Variants in CELF2 observed in about 807,000 individuals in gnomAD.
CELF2 encodes the protein CUGBP Elav-like family member 2, also known as CUG triplet repeat RNA-binding protein 2.
Under a neutral mutation model 62.6 loss-of-function variants are expected in CELF2, and 8 were observed. The observed-to-expected ratio is 0.13, with a 90% CI of 0.07 to 0.23. The LOEUF (loss-of-function observed/expected upper bound fraction) is 0.23. CELF2 is among the 10% of genes least tolerant of loss of function. The probability of loss-of-function intolerance (pLI) is 1.00; values close to 1 mark genes in which losing one functional copy is unlikely to be tolerated. For synonymous variants in CELF2, 258 were observed against 250.0 expected, an observed-to-expected ratio of 1.03 and a Z score of -0.30; for missense variants, 333 against 671.0, an observed-to-expected ratio of 0.50 and a Z score of 5.56.
At chr10:10,466,578 G>T in the CELF2 span, among the ~76,000 whole-genome samples, 1 of 152,064 alleles carries the variant, frequency 6.6e-6, no homozygotes, top group Non-Finnish European at 1.5e-5. Flanking sequence ...AATTGAAAAG[G>T]CTGGATCATA....
At chr10:10,604,700 AAAGCAGTCAAAT>A in the CELF2 span, among the ~76,000 whole-genome samples, 1 of 152,242 alleles carries the variant, frequency 6.6e-6, no homozygotes, top group South Asian at 2.1e-4. Context: ...ATAATGGGAA[AAAGCAGTCAAAT>A]AAGCATGTCT....
chr10:11,018,307 G>C (rs928550370), intron 1 of CELF2, 144 bp downstream of exon 1: 49 of 566,084 alleles, frequency 8.7e-5, no homozygotes, highest in Non-Finnish European at 9.9e-5. Context: ...TTCGGAGGCC[G>C]GCACGGGACG....
At chr10:10,632,380 T>C in the CELF2 span, among the ~76,000 whole-genome samples, 4 of 152,108 alleles carry the variant, frequency 2.6e-5, no homozygotes, top group African/African-American at 9.7e-5. Context: ...AAGCCTCATG[T>C]TGTCATTATT....
intron 1 of CELF2, among the ~76,000 whole-genome samples, chr10:10,864,562 T>G (rs1372579863): frequency 6.6e-6 from 1 of 152,170 alleles, no homozygotes; most frequent in Non-Finnish European, 1.5e-5. Context: ...CTTTCTGGTT[T>G]GCAGAAGGCC....
chr10:11,296,755 A>G lies in CELF2; in HGVS notation c.976+8203A>G, dbSNP rs1473757292. 6.6e-6 allele frequency among the ~76,000 whole-genome samples: 1 copy of G among 152,190 alleles called. No homozygotes were observed. Among genetic ancestry groups the G allele is most frequent in the African/African-American group, 2.4e-5 (1 of 41,438 alleles). ...AAGGTACAGGGGTCAGTGACAGGAG[A>G]GATTCTGCCCCAAGGAAGTAAGGGA... On this transcript the variant is annotated intron_variant, in intron 9 of 12. Coordinates refer to ENST00000633077, the MANE Select transcript of CELF2 (RefSeq NM_001326342.2). This position sits in a 1 kb window ranked among gnomAD's most constrained non-coding sequence, Gnocchi z 5.0.
rs375038315 is a variant in CELF2, at chr10:11,262,904, G to T, written c.539-3694G>T. 1.0e-4 allele frequency among the ~76,000 whole-genome samples: 13 copies of T among 129,270 alleles called. No individual in the cohort carries two copies. In the East Asian group the frequency reaches 1.2e-3, roughly 12 times the overall value. The allele number at this position is 129,270 out of a possible 152,430, so 84.8% of individuals were successfully genotyped here. A position where few individuals can be genotyped will look rare whatever the true frequency, so the allele number is the denominator to read the frequency against. ...AAGAAGTAACAAAGAAAAGCAAGAG[G>T]CCCTGGCATTGTTCATGCTTTTAAA... On this transcript the variant is annotated intron_variant, in intron 5 of 12. Coordinates refer to ENST00000633077, the MANE Select transcript of CELF2 (RefSeq NM_001326342.2).
rs1227243773 is a variant in CELF2 at position 11,309,067 on chromosome 10, T to C, written c.977-5072T>C. ...TTAGGCATGATTTTTTAGATTGTTATCATATTTATAATAGCTGCTTTCATG... is the reference window on the plus strand; with the variant it reads ...TTAGGCATGATTTTTTAGATTGTTACCATATTTATAATAGCTGCTTTCATG... On this transcript the variant is annotated intron_variant, in intron 9 of 12. Transcript: ENST00000633077. The surrounding 1 kb of genome is among the most constrained non-coding windows in gnomAD (Gnocchi z 5.6). Among the ~76,000 whole-genome samples the C allele has an allele frequency of 6.6e-6, 1 of 152,222 alleles. No homozygotes were observed. The highest frequency in any genetic ancestry group is 1.5e-5 in the Non-Finnish European group (1 of 68,044).
intron 1 of CELF2, among the ~76,000 whole-genome samples, chr10:10,826,197 C>T (rs1362203968): frequency 1.3e-5 from 2 of 151,046 alleles, no homozygotes; most frequent in Non-Finnish European, 2.9e-5. Flanking sequence ...CTTAGTTTTT[C>T]CTGGATGCCC....
At chr10:10,799,921 T>C (rs2054487209) in intron 1 of CELF2, among the ~76,000 whole-genome samples, 1 of 152,214 alleles carries the variant, frequency 6.6e-6, no homozygotes, top group South Asian at 2.1e-4. Flanking sequence ...TGTCATGTCT[T>C]CCAAATACCT....
chr10:11,161,999 AGGGAGAGAG>A (rs2065831904), intron 1 of CELF2, among the ~76,000 whole-genome samples: 2 of 152,212 alleles, frequency 1.3e-5, no homozygotes, highest in African/African-American at 4.8e-5. Flanking sequence ...AGCATCAGCC[AGGGAGAGAG>A]TTGGGAGTCC....
the CELF2 span, among the ~76,000 whole-genome samples, chr10:10,574,872 G>GCTTTTTTTTTTTTTTTTTT: frequency 1.9e-5 from 2 of 105,980 alleles, 1 homozygote; most frequent in Admixed American, 2.3e-4. Context: ...ACCATGCCTG[G>GCTTTTTTTTTTTTTTTTTT]TTTTTTTTTT....
At chr10:10,533,422 G>A in the CELF2 span, among the ~76,000 whole-genome samples, 1 of 152,082 alleles carries the variant, frequency 6.6e-6, no homozygotes, top group Non-Finnish European at 1.5e-5. Flanking sequence ...GACATAGGAA[G>A]GTACACTAAT....
At position 11,285,005 on chromosome 10, in the gene CELF2, G is replaced by A. The variant is rs962169592; in HGVS notation, c.842-3413G>A. ...GATGAGAGATGGATGTGTGGATGAC[G>A]GATGGGTGGGAGGATAGTGGATCTG... On this transcript the variant is annotated intron_variant, in intron 8 of 12. Coordinates refer to ENST00000633077, the MANE Select transcript of CELF2 (RefSeq NM_001326342.2). This position sits in a 1 kb window ranked among gnomAD's most constrained non-coding sequence, Gnocchi z 4.3. Among the ~76,000 whole-genome samples, 17 of 150,018 alleles carry A rather than the reference G, an allele frequency of 1.1e-4. No homozygotes were observed. The highest frequency in any genetic ancestry group is 3.0e-4 in the African/African-American group (12 of 40,532).
the CELF2 span, among the ~76,000 whole-genome samples, chr10:10,627,879 C>G: frequency 5.3e-5 from 8 of 152,110 alleles, no homozygotes; most frequent in African/African-American, 9.7e-5. Context: ...TATTTGGAAC[C>G]ATGCAGATGC....
At chr10:11,301,944 C>A (rs540597732) in intron 9 of CELF2, among the ~76,000 whole-genome samples, 1 of 152,264 alleles carries the variant, frequency 6.6e-6, no homozygotes, top group South Asian at 2.1e-4. Flanking sequence ...GACAGGGCGC[C>A]CAGGTCAGCC....
At chr10:11,058,461 G>GT (rs67113152) in intron 1 of CELF2, among the ~76,000 whole-genome samples, 2,833 of 116,526 alleles carry the variant, frequency 0.024, 26 homozygotes, top group East Asian at 0.049. Flanking sequence ...TTTTTTGTTG[G>GT]TTTTTTTTTT....
intron 2 of CELF2, among the ~76,000 whole-genome samples, chr10:10,927,459 A>C (rs1044838261): frequency 5.3e-5 from 8 of 151,488 alleles, no homozygotes; most frequent in Non-Finnish European, 1.0e-4. Context: ...AATGGGTCTC[A>C]CTCTGTTGCC....
At chr10:10,659,646 C>T in the CELF2 span, among the ~76,000 whole-genome samples, 1 of 152,148 alleles carries the variant, frequency 6.6e-6, no homozygotes, top group Non-Finnish European at 1.5e-5. Context: ...CCCTTCAAAC[C>T]ACCCTGCATA....
chr10:10,520,337 G>T, the CELF2 span, among the ~76,000 whole-genome samples: 1 of 152,192 alleles, frequency 6.6e-6, no homozygotes, highest in Non-Finnish European at 1.5e-5. Context: ...AATATCCAGA[G>T]CAAGATGACA....
Sources: gnomAD v4.1 joint callset for allele counts (sites outside exome capture counted in the v4.1 genomes callset) on GRCh38, gnomAD v4.1.1 for gene constraint, Gnocchi (gnomAD v3.1) non-coding constraint, MANE v1.5 for transcripts, NCBI Gene and HGNC (gene_info 2026-07-23, HGNC 2026-07-21) for gene names.